The following TMEM121B variants were observed in gnomAD, a reference collection of about 807,000 sequenced individuals.
TMEM121B encodes the protein cat eye syndrome chromosome region, candidate 6.
TMEM121B carries 14 observed loss-of-function variants against 25.1 expected under a neutral mutation model. That is an observed-to-expected ratio of 0.56 (90% confidence interval 0.37 to 0.87). The LOEUF is 0.87. Ranked by LOEUF, TMEM121B falls within the 40% of genes least tolerant of loss-of-function variation. The probability of loss-of-function intolerance (pLI) is 0.00; values close to 1 mark genes in which losing one functional copy is unlikely to be tolerated. For missense variants in TMEM121B, 850 were observed against 854.6 expected (o/e 0.99, Z 0.07); for synonymous variants, 458 against 420.9 (o/e 1.09, Z -1.08).
In TMEM121B at chr22:17,119,152, G is replaced by T; in HGVS notation, c.*239C>A. The T allele has an allele frequency of 2.0e-6, 1 of 510,420 alleles. No individual in the cohort carries two copies. The highest frequency in any genetic ancestry group is 3.4e-6 in the Non-Finnish European group (1 of 293,230). 31.6% of individuals were successfully genotyped at this position (510,420 alleles called of 1,614,324 possible). On this transcript the variant is annotated 3_prime_UTR_variant, in exon 1 of 1. Transcript: ENST00000331437. The stretch of plus-strand genomic sequence containing the variant: ...AGAGGTACCAGCCCCTTGGAGGTCA[G>T]GATTGGGGTAGGATAGGAGAAGAGA...
Position 17,120,426 on chromosome 22 carries a change from G to A in TMEM121B, c.702C>T (p.Asp234=), listed in dbSNP as rs1601360397. ...TGGCCCAGCCCACCACCACCACCAG[G>A]TCAGTGGCGATCCAGGAGCACCAGT... ...DLYWCSWIAT[D]LVVVVGWAIF... Residue 234 remains aspartate, a synonymous_variant, in exon 1 of 1, where the codon GAC becomes GAT. Coordinates refer to ENST00000331437, the MANE Select transcript of TMEM121B (RefSeq NM_031890.4). The A allele has an allele frequency of 8.9e-6, 14 of 1,575,990 alleles. No homozygotes were observed. Among genetic ancestry groups the A allele is most frequent in the Non-Finnish European group, 1.2e-5 (14 of 1,166,118 alleles).
chr22:17,116,357 G>A lies in TMEM121B; in HGVS notation c.*3034C>T, dbSNP rs979655124. 8.5e-5 allele frequency: 13 copies of A among 152,518 alleles called. No homozygotes were observed. Among genetic ancestry groups the A allele is most frequent in the African/African-American group, 2.9e-4 (12 of 41,414 alleles). The allele number at this position is 152,518 out of a possible 1,614,324, so 9.4% of individuals were successfully genotyped here. A position where few individuals can be genotyped will look rare whatever the true frequency, so the allele number is the denominator to read the frequency against. ...TCTGGTTTTATTTTTAAAAAGAGAA[G>A]GAAAAAAGTGATAAATGCTAGTGAG... On this transcript the variant is annotated 3_prime_UTR_variant, in exon 1 of 1. Transcript: ENST00000331437.
chr22:17,121,288 C>T lies in TMEM121B; in HGVS notation c.-161G>A. On this transcript the variant is annotated 5_prime_UTR_variant, in exon 1 of 1. In the 5' UTR this introduces an upstream ATG that the reference lacks. Transcript: ENST00000331437. ...GGCGGCGAGATCCGGACTGGAGCCACTGGACTGGGCGAGCCGGGCCGGGCG... is the reference window on the plus strand; with the variant it reads ...GGCGGCGAGATCCGGACTGGAGCCATTGGACTGGGCGAGCCGGGCCGGGCG... 1 of 575,302 alleles carries T rather than the reference C, an allele frequency of 1.7e-6. No homozygotes were observed. The highest frequency in any genetic ancestry group is 2.5e-6 in the Non-Finnish European group (1 of 406,556). 35.6% of individuals were successfully genotyped at this position (575,302 alleles called of 1,614,324 possible). A position where few individuals can be genotyped will look rare whatever the true frequency, so the allele number is the denominator to read the frequency against.
Position 17,120,698 on chromosome 22 carries a change from C to A in TMEM121B, c.430G>T (p.Gly144Trp), listed in dbSNP as rs1294131877. The A allele has an allele frequency of 1.7e-6, 2 of 1,189,360 alleles. No individual in the cohort carries two copies. The highest frequency in any genetic ancestry group is 4.5e-5 in the Admixed American group (1 of 22,020). The allele number at this position is 1,189,360 out of a possible 1,614,324, so 73.7% of individuals were successfully genotyped here. Reference protein sequence around the residue: ...AADFGGGAAAGAVGGPGSRSA... With the variant: ...AADFGGGAAAWAVGGPGSRSA... ...CGGCTCCCGGGGCCCCCGACGGCCC[C>A]GGCCGCGGCGCCCCCGCCGAAGTCC... Residue 144 changes from glycine to tryptophan, a missense_variant, in exon 1 of 1, where the codon GGG (glycine) becomes TGG (tryptophan). Transcript: ENST00000331437.
chr22:17,117,079 T>G lies in TMEM121B; in HGVS notation c.*2312A>C, dbSNP rs565170428. 1 of 152,752 alleles carries G rather than the reference T, an allele frequency of 6.5e-6. No homozygotes were observed. Among genetic ancestry groups the G allele is most frequent in the Non-Finnish European group, 1.5e-5 (1 of 68,078 alleles). The allele number at this position is 152,752 out of a possible 1,614,324, so 9.5% of individuals were successfully genotyped here. On this transcript the variant is annotated 3_prime_UTR_variant, in exon 1 of 1. Transcript: ENST00000331437. ...GGGCCAGCCAGCGGCTGGCCATGGC[T>G]CAGACACAATGTCCTTTCACAGTCA...
Position 17,118,238 on chromosome 22 carries a change from G to GTAA in TMEM121B, c.*1152_*1153insTTA, listed in dbSNP as rs2061478778. The GTAA allele has an allele frequency of 7.1e-6, 1 of 141,518 alleles. No homozygotes were observed. Among genetic ancestry groups the GTAA allele is most frequent in the African/African-American group, 2.6e-5 (1 of 37,814 alleles). The allele number at this position is 141,518 out of a possible 1,614,324, so 8.8% of individuals were successfully genotyped here. ...GAGACTCTTAACCAGACCAGAGGTG[G>GTAA]GAGGTCACCACCTCACTTTCTGATC... On this transcript the variant is annotated 3_prime_UTR_variant, in exon 1 of 1. Coordinates refer to ENST00000331437, the MANE Select transcript of TMEM121B (RefSeq NM_031890.4).
chr22:17,119,799 G>A lies in TMEM121B; in HGVS notation c.1329C>T (p.Leu443=), dbSNP rs61741012. Residue 443 remains leucine (L), a synonymous_variant, in exon 1 of 1, where the codon CTC becomes CTT. Transcript: ENST00000331437. ...CTGCGGCCGCGGCGTTGAGCTCGTAGAGCCAGAGCACCGGCGAGGCGAGGG... is the reference window on the plus strand; with the variant it reads ...CTGCGGCCGCGGCGTTGAGCTCGTAAAGCCAGAGCACCGGCGAGGCGAGGG... ...FLTLASPVLW[L]YELNAAAAAA... The A allele has an allele frequency of 0.013, 20,029 of 1,586,214 alleles. 313 individuals are homozygous for A. Among genetic ancestry groups the A allele is most frequent in the East Asian group, 0.091 (4,020 of 44,302 alleles).
Position 17,120,326 on chromosome 22 carries a change from G to T in TMEM121B, c.802C>A (p.His268Asn), listed in dbSNP as rs893112836. 1.3e-6 allele frequency: 2 copies of T among 1,483,156 alleles called. No homozygotes were observed. The highest frequency in any genetic ancestry group is 1.4e-5 in the African/African-American group (1 of 69,182). The allele number at this position is 1,483,156 out of a possible 1,614,324, so 91.9% of individuals were successfully genotyped here. A position where few individuals can be genotyped will look rare whatever the true frequency, so the allele number is the denominator to read the frequency against. Residue 268 changes from histidine to asparagine, a missense_variant, in exon 1 of 1, where the codon CAC becomes AAC. Coordinates refer to ENST00000331437, the MANE Select transcript of TMEM121B (RefSeq NM_031890.4). The stretch of plus-strand genomic sequence containing the variant: ...AGATGCAGGGGCGGCGCGGCGTGGT[G>T]GTGGTGCAGGTGGTGGTTGTGCGCG... ...SGAHNHHLHH[H>N]HAAPPLHLPA... is the part of the protein sequence containing the mutation.
chr22:17,119,814 C>T lies in TMEM121B; in HGVS notation c.1314G>A (p.Ser438=). 1 of 1,588,232 alleles carries T rather than the reference C, an allele frequency of 6.3e-7. No individual in the cohort carries two copies. Among genetic ancestry groups the T allele is most frequent in the Non-Finnish European group, 8.5e-7 (1 of 1,175,256 alleles). ...TGAGCTCGTAGAGCCAGAGCACCGG[C>T]GAGGCGAGGGTGAGGAAGTAGACGG... ...LIAVYFLTLA[S]PVLWLYELNA... Residue 438 remains serine (S), a synonymous_variant, in exon 1 of 1, where the codon TCG becomes TCA. Coordinates refer to ENST00000331437, the MANE Select transcript of TMEM121B (RefSeq NM_031890.4).
Position 17,119,600 on chromosome 22 carries a change from G to A in TMEM121B, c.1528C>T (p.Arg510Trp), listed in dbSNP as rs1233619367. ...CAGCCCTCCAGGGCCTCCAGGCCCC[G>A]GCAGCCGAGGAAGAAGAGGTTCTTG... ...MLKNLFFLGCRGLEALEGCWD... is the reference protein window; with the variant it reads ...MLKNLFFLGCWGLEALEGCWD... Residue 510 changes from arginine to tryptophan, a missense_variant, in exon 1 of 1, where the codon CGG (arginine) becomes TGG (tryptophan). By Grantham distance (101) the Arg-to-Trp change is moderately radical. Coordinates refer to ENST00000331437, the MANE Select transcript of TMEM121B (RefSeq NM_031890.4). The A allele has an allele frequency of 5.2e-6, 8 of 1,544,680 alleles. No individual in the cohort carries two copies. The highest frequency in any genetic ancestry group is 4.4e-6 in the Non-Finnish European group (5 of 1,148,512).
In TMEM121B at chr22:17,120,441, G is replaced by A; in HGVS notation, c.687C>T (p.Ser229=). The change falls in exon 1 of 1, where the codon TCC becomes TCT. Residue 229 remains serine (S), a synonymous_variant. Transcript: ENST00000331437. ...CCACCACCAGGTCAGTGGCGATCCA[G>A]GAGCACCAGTACAGGTCGGTGACGG... The part of the protein sequence containing the change: ...LIAVTDLYWC[S]WIATDLVVVV... The A allele has an allele frequency of 6.3e-7, 1 of 1,577,768 alleles. No individual in the cohort carries two copies.
rs748276112 is a variant in TMEM121B at position 17,119,468 on chromosome 22, G to A, written c.1660C>T (p.Leu554=). The A allele has an allele frequency of 1.5e-5, 24 of 1,606,676 alleles. No homozygotes were observed. The East Asian group carries it at 5.2e-4, about 35-fold the overall frequency. Residue 554 remains leucine, a synonymous_variant, in exon 1 of 1, where the codon CTG becomes TTG. Transcript: ENST00000331437. ...TCGTTCTCCGAGATGCAGTGGCCCA[G>A]CTGGGAGCCTCCCTGAGGTGGTGGC... ...PPPPPQGGSQ[L]GHCISENEGG...
In TMEM121B at chr22:17,119,511, G is replaced by A. The variant is rs377470319; in HGVS notation, c.1617C>T (p.Ser539=). 8.5e-5 allele frequency: 134 copies of A among 1,576,054 alleles called. No homozygotes were observed. The African/African-American group carries it at 1.6e-3, about 19-fold the overall frequency. ...GTGGTGGCGGAGGTGGTGGAGGGGC[G>A]GAGGGCGGAGCACCGTAGCCCCCTC... ...RARGGYGAPP[S]APPPPPPPPQ... The change falls in exon 1 of 1, where the codon TCC becomes TCT. Residue 539 remains serine (S), a synonymous_variant. Transcript: ENST00000331437.
In TMEM121B at chr22:17,119,570, C is replaced by T. The variant is rs1186070873; in HGVS notation, c.1558G>A (p.Asp520Asn). 2 of 1,550,744 alleles carry T rather than the reference C, an allele frequency of 1.3e-6. No homozygotes were observed. The highest frequency in any genetic ancestry group is 2.4e-5 in the East Asian group (1 of 41,210). The stretch of plus-strand genomic sequence containing the variant: ...CTCGGGGAGGCCCGATTGCCCCGGT[C>T]CCAGCAGCCCTCCAGGGCCTCCAGG... ...RGLEALEGCW[D>N]RGNRASPSRA... Residue 520 changes from aspartate (D) to asparagine (N), a missense_variant, in exon 1 of 1, where the codon GAC becomes AAC. Asp to Asn is a conservative substitution (Grantham distance 23). Coordinates refer to ENST00000331437, the MANE Select transcript of TMEM121B (RefSeq NM_031890.4).
chr22:17,117,911 C>T lies in TMEM121B; in HGVS notation c.*1480G>A, dbSNP rs2061477341. ...CTAGAATCCACATCTTCTGGTAACT[C>T]GTCTAGAGTTTGTTACACTACATAA... On this transcript the variant is annotated 3_prime_UTR_variant, in exon 1 of 1. Transcript: ENST00000331437. 1.3e-5 allele frequency: 2 copies of T among 152,260 alleles called. No homozygotes were observed. The highest frequency in any genetic ancestry group is 4.1e-4 in the South Asian group (2 of 4,820). 9.4% of individuals were successfully genotyped at this position (152,260 alleles called of 1,614,324 possible).
At position 17,120,050 on chromosome 22, in the gene TMEM121B, C is replaced by G. The variant is rs1226394129; in HGVS notation, c.1078G>C (p.Val360Leu). The G allele has an allele frequency of 6.2e-7, 1 of 1,610,448 alleles. No individual in the cohort carries two copies. ...CGCACCAAGCTGTAGAGCAGGGGCA[C>G]CGACAGCGCCATGGTGAGACGGAAG... ...TGFRLTMALS[V>L]PLLYSLVRAI... Residue 360 changes from valine to leucine, a missense_variant, in exon 1 of 1, where the codon GTG becomes CTG. Coordinates refer to ENST00000331437, the MANE Select transcript of TMEM121B (RefSeq NM_031890.4).
chr22:17,120,539 G>A lies in TMEM121B; in HGVS notation c.589C>T (p.Arg197Cys), dbSNP rs763630817. The change falls in exon 1 of 1, where the codon CGC becomes TGC. Residue 197 changes from arginine (R) to cysteine (C), a missense_variant. By Grantham distance (180) the Arg-to-Cys change is radical. Transcript: ENST00000331437. ...RRGCAPSPRC[R>C]WGYQALSVVL... ...ACGGACAGCGCCTGGTAGCCCCAGC[G>A]GCACCTGGGACTGGGGGCGCAGCCG... The A allele has an allele frequency of 4.5e-6, 7 of 1,541,620 alleles. No individual in the cohort carries two copies. Among genetic ancestry groups the A allele is most frequent in the East Asian group, 5.0e-5 (2 of 39,894 alleles).
Position 17,120,448 on chromosome 22 carries a change from C to A in TMEM121B, c.680G>T (p.Trp227Leu). 6.3e-7 allele frequency: 1 copy of A among 1,581,708 alleles called. No homozygotes were observed. The change falls in exon 1 of 1, where the codon TGG (tryptophan) becomes TTG (leucine). Residue 227 changes from tryptophan (W) to leucine (L), a missense_variant. Trp to Leu is a moderately conservative substitution (Grantham distance 61, BLOSUM62 -2). Transcript: ENST00000331437. ...LYLIAVTDLY[W>L]CSWIATDLVV... is the part of the protein sequence containing the mutation. Reference sequence around the variant, plus strand: ...CAGGTCAGTGGCGATCCAGGAGCACCAGTACAGGTCGGTGACGGCGATGAG... The same window carrying A: ...CAGGTCAGTGGCGATCCAGGAGCACAAGTACAGGTCGGTGACGGCGATGAG...
In TMEM121B at chr22:17,120,968, G is replaced by A. The variant is rs1164567541; in HGVS notation, c.160C>T (p.Arg54Cys). The change falls in exon 1 of 1, where the codon CGC becomes TGC. Residue 54 changes from arginine (R) to cysteine (C), a missense_variant. Physicochemically the swap from Arg to Cys is radical, Grantham distance 180. Coordinates refer to ENST00000331437, the MANE Select transcript of TMEM121B (RefSeq NM_031890.4). ...CCGCGTCTGCCGCCGCCTCCCCCGC[G>A]GCTGGTGCTGGTGCTGGTGCTGCTG... ...GDSSTSTSTS[R>C]GGGGGRRGGG... is the part of the protein sequence containing the mutation. 23 of 1,429,422 alleles carry A rather than the reference G, an allele frequency of 1.6e-5. No individual in the cohort carries two copies. Among genetic ancestry groups the A allele is most frequent in the African/African-American group, 1.5e-5 (1 of 67,176 alleles). The allele number at this position is 1,429,422 out of a possible 1,614,324, so 88.5% of individuals were successfully genotyped here.
Sources: gnomAD v4.1 joint callset for allele counts on GRCh38, gnomAD v4.1.1 for gene constraint, MANE v1.5 for transcripts, NCBI Gene and HGNC (gene_info 2026-07-23, HGNC 2026-07-21) for gene names.